PCDHGA12: variants seen among roughly 807,000 people sequenced by gnomAD.
PCDHGA12 encodes protocadherin gamma-A12.
Under a neutral mutation model 61.1 loss-of-function variants are expected in PCDHGA12, and 43 were observed. The ratio of observed to expected loss-of-function variants is 0.70; its 90% CI spans 0.55 to 0.91. The LOEUF is 0.91. Ranked by LOEUF, PCDHGA12 falls within the 40% of genes least tolerant of loss-of-function variation. The probability of loss-of-function intolerance (pLI) is 0.00; values close to 1 mark genes in which losing one functional copy is unlikely to be tolerated. For synonymous variants in PCDHGA12, 520 were observed against 542.9 expected (o/e 0.96, Z 0.59); for missense variants, 1,236 against 1,227.7 (o/e 1.01, Z -0.10).
In PCDHGA12 at chr5:141,432,997, G is replaced by T. The variant is rs778828769; in HGVS notation, c.2238G>T (p.Val746=). 17 of 1,614,082 alleles carry T rather than the reference G, an allele frequency of 1.1e-5. No homozygotes were observed. The highest frequency in any genetic ancestry group is 4.5e-5 in the East Asian group (2 of 44,864). The part of the protein sequence containing the change: ...PASHFVGVDG[V]QAFLQTYSHE... ...CGCACTTTGTGGGCGTGGACGGGGT[G>T]CAGGCTTTCCTGCAGACCTATTCCC... Residue 746 remains valine (V), a synonymous_variant, in exon 1 of 4, where the codon GTG becomes GTT. Transcript: ENST00000252085. The surrounding 1 kb of genome is among the most constrained non-coding windows in gnomAD (Gnocchi z 6.0).
chr5:141,443,235 C>G (rs1182428300), intron 1 of PCDHGA12, among the ~76,000 whole-genome samples: 2 of 151,642 alleles, frequency 1.3e-5, no homozygotes, highest in East Asian at 1.9e-4. Flanking sequence ...AATCTTAGCA[C>G]TTTGGGGCGC....
At position 141,489,635 on chromosome 5, in the gene PCDHGA12, G is replaced by C. The variant is rs1380466520; in HGVS notation, c.2425-5172G>C. 2 of 1,614,142 alleles carry C rather than the reference G, an allele frequency of 1.2e-6. No homozygotes were observed. The highest frequency in any genetic ancestry group is 3.3e-5 in the Admixed American group (2 of 60,016). ...CTGGATCTCAATGACAACTCTCCTAGCTTTGCCACCCCTGAGCGAGAGATG... is the reference window on the plus strand; with the variant it reads ...CTGGATCTCAATGACAACTCTCCTACCTTTGCCACCCCTGAGCGAGAGATG... On this transcript the variant is annotated intron_variant, in intron 1 of 3. Transcript: ENST00000252085. This position sits in a 1 kb window ranked among gnomAD's most constrained non-coding sequence, Gnocchi z 4.5.
At chr5:141,464,263 TAA>T (rs35224477) in intron 1 of PCDHGA12, among the ~76,000 whole-genome samples, 15 of 103,552 alleles carry the variant, frequency 1.4e-4, no homozygotes, top group Admixed American at 3.2e-4. Context: ...AGACTCCGTC[TAA>T]AAAAAAAAAA....
intron 1 of PCDHGA12, among the ~76,000 whole-genome samples, chr5:141,467,032 T>G (rs551565159): frequency 2.0e-5 from 3 of 152,164 alleles, no homozygotes; most frequent in Non-Finnish European, 2.9e-5. Flanking sequence ...GTTTTTGTTT[T>G]TTGTGTAATG....
chr5:141,480,719 A>G (rs1455113968), intron 1 of PCDHGA12, among the ~76,000 whole-genome samples: 1 of 152,194 alleles, frequency 6.6e-6, no homozygotes, highest in Non-Finnish European at 1.5e-5. Flanking sequence ...ATGAAAGCAC[A>G]GTCTCTGGGG....
At chr5:141,494,902 C>A (rs2099757367) in intron 2 of PCDHGA12, 37 bp downstream of exon 2, 1 of 1,614,024 alleles carries the variant, frequency 6.2e-7, no homozygotes, top group East Asian at 2.2e-5. Context: ...CTCTTCTCTG[C>A]GGCATTTTCT....
Position 141,490,282 on chromosome 5 carries a change from C to T in PCDHGA12, c.2425-4525C>T, listed in dbSNP as rs763429413. 1.2e-6 allele frequency: 2 copies of T among 1,614,194 alleles called. No individual in the cohort carries two copies. The highest frequency in any genetic ancestry group is 1.7e-6 in the Non-Finnish European group (2 of 1,180,036). ...TGTGGGGGATGTCAATGACAATGCC[C>T]CAGAGGTGCTATTGGCCTCTTTGGC... On this transcript the variant is annotated intron_variant, in intron 1 of 3. Transcript: ENST00000252085. This position sits in a 1 kb window ranked among gnomAD's most constrained non-coding sequence, Gnocchi z 5.4.
In PCDHGA12 at chr5:141,511,335, A is replaced by T; in HGVS notation, c.*162A>T. 7.0e-7 allele frequency: 1 copy of T among 1,438,820 alleles called. No homozygotes were observed. The highest frequency in any genetic ancestry group is 9.2e-7 in the Non-Finnish European group (1 of 1,083,596). The allele number at this position is 1,438,820 out of a possible 1,614,324, so 89.1% of individuals were successfully genotyped here. A position where few individuals can be genotyped will look rare whatever the true frequency, so the allele number is the denominator to read the frequency against. On this transcript the variant is annotated 3_prime_UTR_variant, in exon 4 of 4. Coordinates refer to ENST00000252085, the MANE Select transcript of PCDHGA12 (RefSeq NM_003735.3). ...AAACAGAAACAAGTGCCCAGTCAGC[A>T]CCTACCCCTTCCCCCCCAGGGGGTT...
In PCDHGA12 at chr5:141,433,079, A is replaced by C; in HGVS notation, c.2320A>C (p.Asn774His). The C allele has an allele frequency of 6.2e-7, 1 of 1,614,208 alleles. No individual in the cohort carries two copies. Among genetic ancestry groups the C allele is most frequent in the South Asian group, 1.1e-5 (1 of 91,088 alleles). Residue 774 changes from asparagine (N) to histidine (H), a missense_variant, in exon 1 of 4, where the codon AAC becomes CAC. Physicochemically the swap from Asn to His is moderately conservative, Grantham distance 68. Transcript: ENST00000252085. ...RKSHLIFPQPNYADMLVSQES... is the reference protein window; with the variant it reads ...RKSHLIFPQPHYADMLVSQES... ...GAGTCACCTGATCTTCCCCCAGCCC[A>C]ACTATGCAGACATGCTCGTCAGCCA...
In PCDHGA12 at chr5:141,489,950, A is replaced by C. The variant is rs1055715796; in HGVS notation, c.2425-4857A>C. 1 of 1,614,192 alleles carries C rather than the reference A, an allele frequency of 6.2e-7. No homozygotes were observed. The highest frequency in any genetic ancestry group is 1.3e-5 in the African/African-American group (1 of 75,060). ...TCTGTCATCGTGCTGGACATCAATG[A>C]TAATGCTCCAACCTTCCAATCCTCA... is the stretch of plus-strand genomic sequence containing the variant. On this transcript the variant is annotated intron_variant, in intron 1 of 3. Coordinates refer to ENST00000252085, the MANE Select transcript of PCDHGA12 (RefSeq NM_003735.3). The surrounding 1 kb of genome is among the most constrained non-coding windows in gnomAD (Gnocchi z 4.5).
chr5:141,470,622 A>G (rs1323376824), intron 1 of PCDHGA12, among the ~76,000 whole-genome samples: 6 of 152,336 alleles, frequency 3.9e-5, no homozygotes, highest in Admixed American at 6.5e-5. Flanking sequence ...CTTCATGCTT[A>G]GATAGGCCCC....
intron 1 of PCDHGA12, among the ~76,000 whole-genome samples, chr5:141,460,478 A>G (rs989135238): frequency 6.6e-5 from 10 of 152,136 alleles, no homozygotes; most frequent in African/African-American, 2.4e-4. Context: ...GGAATATCCA[A>G]TTGTCTCTTT....
At chr5:141,497,878 C>T (rs553853040) in intron 2 of PCDHGA12, among the ~76,000 whole-genome samples, 32 of 152,256 alleles carry the variant, frequency 2.1e-4, no homozygotes, top group Non-Finnish European at 3.5e-4. Flanking sequence ...GTGAAATAAG[C>T]GTTAGGATCT....
chr5:141,451,745 G>T (rs562443882), intron 1 of PCDHGA12, among the ~76,000 whole-genome samples: 36 of 152,242 alleles, frequency 2.4e-4, no homozygotes, highest in Middle Eastern at 3.4e-3. Context: ...AGCTGGTCTG[G>T]TGGTGCATGC....
chr5:141,433,582 T>TCCCA (rs758953161), intron 1 of PCDHGA12, among the ~76,000 whole-genome samples: 4 of 151,942 alleles, frequency 2.6e-5, no homozygotes, highest in Non-Finnish European at 5.9e-5. Flanking sequence ...ACGCCTGTAA[T>TCCCA]CCCAGTACTT....
In PCDHGA12 at chr5:141,495,049, T is replaced by G. The variant is rs543734863; in HGVS notation, c.2483+184T>G. ...CCCCGGAAGGAAGAGGCGACTGCCC[T>G]GACTGTTCAGGAAGCTCAATTCACA... On this transcript the variant is annotated intron_variant, in intron 2 of 3. Coordinates refer to ENST00000252085, the MANE Select transcript of PCDHGA12 (RefSeq NM_003735.3). Among the ~76,000 whole-genome samples the G allele has an allele frequency of 5.6e-4, 86 of 152,312 alleles. 1 individual carries two copies. Among genetic ancestry groups the G allele is most frequent in the African/African-American group, 1.6e-3 (65 of 41,578 alleles).
intron 1 of PCDHGA12, among the ~76,000 whole-genome samples, chr5:141,482,458 C>G (rs986628162): frequency 1.4e-5 from 2 of 147,624 alleles, no homozygotes; most frequent in African/African-American, 2.6e-5. Flanking sequence ...ATTAGCATCC[C>G]TATGTGCCAG....
rs2099668037 is a variant in PCDHGA12 at position 141,487,853 on chromosome 5, T to C, written c.2425-6954T>C. The C allele has an allele frequency of 1.0e-6, 1 of 984,708 alleles. No individual in the cohort carries two copies. The allele number at this position is 984,708 out of a possible 1,614,324, so 61.0% of individuals were successfully genotyped here. The stretch of plus-strand genomic sequence containing the variant: ...CCTATATCTGAGTAAGAAATGAAAG[T>C]AATTGGTGATCAAGAGCCAGGCTGT... On this transcript the variant is annotated intron_variant, in intron 1 of 3. Transcript: ENST00000252085. The surrounding 1 kb of genome is among the most constrained non-coding windows in gnomAD (Gnocchi z 5.0).
At chr5:141,499,356 C>A (rs1472104991) in intron 2 of PCDHGA12, among the ~76,000 whole-genome samples, 1 of 152,062 alleles carries the variant, frequency 6.6e-6, no homozygotes, top group Non-Finnish European at 1.5e-5. Context: ...ATTCAACAAA[C>A]AAATAGCAAC....
Sources: allele counts gnomAD v4.1 joint callset (sites outside exome capture counted in the v4.1 genomes callset), GRCh38; gene constraint gnomAD v4.1.1; non-coding constraint Gnocchi (gnomAD v3.1); transcripts MANE v1.5; gene names NCBI Gene and HGNC (gene_info 2026-07-23, HGNC 2026-07-21).